The following FRAS1 variants were observed in gnomAD, a reference collection of about 807,000 sequenced individuals.
The protein encoded by FRAS1 is extracellular matrix organizing protein FRAS1.
In FRAS1, 290 loss-of-function variants were observed where a neutral mutation model predicts 435.2. That is an observed-to-expected ratio of 0.67 (90% CI 0.61 to 0.73). The LOEUF (loss-of-function observed/expected upper bound fraction) is 0.73, where lower values mean the gene tolerates loss of function less well. FRAS1 is among the 30% of genes least tolerant of loss of function. The pLI is 0.00. For synonymous variants in FRAS1, 1,800 were observed against 1,851.0 expected (o/e 0.97, Z 0.71); for missense variants, 4,860 against 5,001.5 (o/e 0.97, Z 0.85).
chr4:78,444,597 G>T (rs1718727986), intron 41 of FRAS1, among the ~76,000 whole-genome samples: 1 of 152,136 alleles, frequency 6.6e-6, no homozygotes. Flanking sequence ...AGACACAAGG[G>T]TTTTCTTGGT....
chr4:78,516,088 T>C, intron 66 of FRAS1, 75 bp downstream of exon 66: 1 of 1,167,258 alleles, frequency 8.6e-7, no homozygotes, highest in Non-Finnish European at 1.2e-6. Context: ...CTGAAGCACT[T>C]CAATTAGCAC....
At chr4:78,515,067 C>CAAAAA (rs34507669) in intron 65 of FRAS1, among the ~76,000 whole-genome samples, 2 of 136,592 alleles carry the variant, frequency 1.5e-5, no homozygotes, top group Admixed American at 7.4e-5. Context: ...GACTCCATCT[C>CAAAAA]AAAAAAAAAA....
chr4:78,502,759 G>A (rs1469034256), intron 61 of FRAS1, among the ~76,000 whole-genome samples: 1 of 152,180 alleles, frequency 6.6e-6, no homozygotes, highest in Non-Finnish European at 1.5e-5. Context: ...GTGTTGAATA[G>A]GAGTGGTGAG....
chr4:78,408,841 AGGCTG>A (rs1733205900), intron 31 of FRAS1, among the ~76,000 whole-genome samples: 1 of 152,202 alleles, frequency 6.6e-6, no homozygotes, highest in South Asian at 2.1e-4. Context: ...TATACTGCAT[AGGCTG>A]GGCATAGTGG....
At chr4:78,318,189 A>T (rs1729355275) in intron 17 of FRAS1, among the ~76,000 whole-genome samples, 2 of 152,258 alleles carry the variant, frequency 1.3e-5, no homozygotes, top group Admixed American at 1.3e-4. Context: ...GAGAAAATTT[A>T]CAGAATCTTT....
rs752912387 is a variant in FRAS1 at position 78,448,186 on chromosome 4, C to T, written c.6144C>T (p.Val2048=). The change falls in exon 44 of 74, where the codon GTC becomes GTT. Residue 2048 remains valine, a synonymous_variant. Coordinates refer to ENST00000512123, the MANE Select transcript of FRAS1 (RefSeq NM_025074.7). ...VGYVPSVPGM[V]VDEFQFSLTD... Reference sequence around the variant, plus strand: ...ATGTGCCTAGTGTCCCTGGCATGGTCGTGGATGAGTTCCAGTTCTCCCTCA... The same window carrying T: ...ATGTGCCTAGTGTCCCTGGCATGGTTGTGGATGAGTTCCAGTTCTCCCTCA... The T allele has an allele frequency of 3.7e-5, 59 of 1,613,368 alleles. No individual in the cohort carries two copies. The highest frequency in any genetic ancestry group is 2.7e-4 in the Admixed American group (16 of 59,930).
At chr4:78,373,774 A>AAATAAT (rs58619851) in intron 24 of FRAS1, among the ~76,000 whole-genome samples, 15 of 151,442 alleles carry the variant, frequency 9.9e-5, no homozygotes, top group South Asian at 6.2e-4. Context: ...ACTCCGTCTT[A>AAATAAT]AATAATAATA....
chr4:78,082,017 A>G (rs1447509561), intron 2 of FRAS1, among the ~76,000 whole-genome samples: 1 of 152,138 alleles, frequency 6.6e-6, no homozygotes, highest in Non-Finnish European at 1.5e-5. Flanking sequence ...TTTGAAAACC[A>G]TGTACCTCCT....
At chr4:78,141,687 G>A (rs1720189948) in intron 2 of FRAS1, among the ~76,000 whole-genome samples, 1 of 152,136 alleles carries the variant, frequency 6.6e-6, no homozygotes, top group African/African-American at 2.4e-5. Context: ...GCACACTCAT[G>A]TTTATAGCAG....
chr4:78,179,072 G>A (rs17003023), intron 2 of FRAS1, among the ~76,000 whole-genome samples: 2,834 of 152,244 alleles, frequency 0.019, 46 homozygotes, highest in Admixed American at 0.053. Context: ...GGCTACTCAC[G>A]TATCAGGAAA....
intron 51 of FRAS1, among the ~76,000 whole-genome samples, chr4:78,470,479 A>T (rs1029999397): frequency 6.6e-6 from 1 of 152,208 alleles, no homozygotes; most frequent in African/African-American, 2.4e-5. Flanking sequence ...CTCCTGGCCA[A>T]ACTTCTTCAG....
chr4:78,261,742 T>C (rs1726116994), intron 6 of FRAS1, among the ~76,000 whole-genome samples: 2 of 152,230 alleles, frequency 1.3e-5, no homozygotes, highest in African/African-American at 4.8e-5. Context: ...ATGGAATGAC[T>C]ATCCATTCTT....
intron 42 of FRAS1, 21 bp from the exon 43 acceptor site, chr4:78,446,706 A>G: frequency 6.2e-7 from 1 of 1,606,480 alleles, no homozygotes; most frequent in Non-Finnish European, 8.5e-7. Flanking sequence ...TGTGAGATCT[A>G]ATAGTTTATG....
intron 2 of FRAS1, among the ~76,000 whole-genome samples, chr4:78,171,554 A>C (rs1452582418): frequency 6.6e-6 from 1 of 151,902 alleles, no homozygotes; most frequent in Non-Finnish European, 1.5e-5. Flanking sequence ...CACACCTACC[A>C]CCACTTCTTG....
intron 2 of FRAS1, among the ~76,000 whole-genome samples, chr4:78,112,941 A>C (rs1397558495): frequency 6.6e-6 from 1 of 152,026 alleles, no homozygotes; most frequent in Non-Finnish European, 1.5e-5. Flanking sequence ...CTCGTCATTT[A>C]ACATTAGGTA....
chr4:78,195,514 T>C (rs1268235794), intron 2 of FRAS1, among the ~76,000 whole-genome samples: 6 of 152,222 alleles, frequency 3.9e-5, no homozygotes, highest in African/African-American at 7.2e-5. Context: ...TGCAGTTTGA[T>C]CTCAGACTGC....
At chr4:78,318,649 CA>C (rs1729371469) in intron 17 of FRAS1, among the ~76,000 whole-genome samples, 160 bp from the exon 18 acceptor site, 1 of 152,196 alleles carries the variant, frequency 6.6e-6, no homozygotes, top group Non-Finnish European at 1.5e-5. Flanking sequence ...GTTCCTTTCA[CA>C]AACATTATTA....
chr4:78,262,072 C>G (rs1203478060), intron 6 of FRAS1, among the ~76,000 whole-genome samples: 3 of 152,140 alleles, frequency 2.0e-5, no homozygotes, highest in Non-Finnish European at 2.9e-5. Flanking sequence ...GCCACCTAAT[C>G]CAAGGGTCTG....
rs973458054 is a variant in FRAS1 at position 78,254,178 on chromosome 4, C to A, written c.470-1064C>A. On this transcript the variant is annotated intron_variant, in intron 5 of 73. Transcript: ENST00000512123. Reference sequence around the variant, plus strand: ...TTTATTACACTTTGTGGATCTGTGTCCCCTTCCATTTTTATAACTAGGTAG... The same window carrying A: ...TTTATTACACTTTGTGGATCTGTGTACCCTTCCATTTTTATAACTAGGTAG... 3.9e-5 allele frequency among the ~76,000 whole-genome samples: 6 copies of A among 152,142 alleles called. No individual in the cohort carries two copies. The South Asian group carries it at 6.2e-4, about 16-fold the overall frequency.
Sources: allele counts gnomAD v4.1 joint callset (sites outside exome capture counted in the v4.1 genomes callset), GRCh38; gene constraint gnomAD v4.1.1; transcripts MANE v1.5; gene names NCBI Gene and HGNC (gene_info 2026-07-23, HGNC 2026-07-21).